DPH6: variants seen among roughly 807,000 people sequenced by gnomAD.
The protein encoded by DPH6 is diphthamine biosynthesis 6, also known as diphthine--ammonia ligase.
A neutral mutation model predicts 38.2 loss-of-function variants in DPH6; 33 were observed. The ratio of observed to expected loss-of-function variants is 0.86; its 90% confidence interval spans 0.65 to 1.15. The LOEUF is 1.15. Ranked by LOEUF, DPH6 falls within the 50% of genes most tolerant of loss-of-function variation. The pLI is 0.00. For synonymous variants in DPH6, 108 were observed against 103.0 expected (o/e 1.05, Z -0.30); for missense variants, 325 against 320.0 (o/e 1.02, Z -0.12).
intron 3 of DPH6, among the ~76,000 whole-genome samples, chr15:35,464,469 A>T (rs1470409915): frequency 1.3e-5 from 2 of 152,200 alleles, no homozygotes; most frequent in Admixed American, 1.3e-4. Flanking sequence ...ATGATAAGAA[A>T]ATAGATTCAT....
chr15:35,388,756 CA>C lies in DPH6; in HGVS notation c.568-6841del, dbSNP rs2053008553. On this transcript the variant is annotated intron_variant, in intron 6 of 8. Transcript: ENST00000256538. The stretch of plus-strand genomic sequence containing the variant: ...TTTTCTTCTTTATTCATCTTGCTAG[CA>C]GTCTATCAATTTTGTTGATCTTTTC... Among the ~76,000 whole-genome samples, 3 of 152,190 alleles carry C rather than the reference CA, an allele frequency of 2.0e-5. No individual in the cohort carries two copies. The South Asian group carries it at 6.2e-4, about 32-fold the overall frequency.
chr15:35,481,115 T>C (rs1248329295), intron 3 of DPH6, among the ~76,000 whole-genome samples: 1 of 152,178 alleles, frequency 6.6e-6, no homozygotes, highest in African/African-American at 2.4e-5. Flanking sequence ...TACTGAACAT[T>C]TGAAATGTGG....
At chr15:35,146,099 GTGTGTGTGTGTGTA>G in the DPH6 span, among the ~76,000 whole-genome samples, 1 of 151,380 alleles carries the variant, frequency 6.6e-6, no homozygotes, top group South Asian at 2.1e-4. Flanking sequence ...GTGTGTGTGT[GTGTGTGTGTGTGTA>G]TACATACATG....
chr15:35,278,785 C>T (rs1182237694), intron 3 of DPH6, among the ~76,000 whole-genome samples: 2 of 152,228 alleles, frequency 1.3e-5, no homozygotes, highest in East Asian at 3.9e-4. Flanking sequence ...AGCAGTGGCT[C>T]AAGCCCATAA....
intron 3 of DPH6, among the ~76,000 whole-genome samples, chr15:35,353,221 C>T (rs953857913): frequency 2.0e-5 from 3 of 152,114 alleles, no homozygotes; most frequent in African/African-American, 7.2e-5. Context: ...TTCTCCCATT[C>T]TGTAGGCTGC....
chr15:35,411,658 GC>G (rs2053368790), intron 5 of DPH6, among the ~76,000 whole-genome samples: 1 of 151,536 alleles, frequency 6.6e-6, no homozygotes, highest in South Asian at 2.1e-4. Flanking sequence ...TCACAAGTGG[GC>G]TATGAAATAA....
intron 6 of DPH6, among the ~76,000 whole-genome samples, chr15:35,387,501 A>G (rs1385087884): frequency 6.6e-6 from 1 of 152,052 alleles, no homozygotes; most frequent in Non-Finnish European, 1.5e-5. Context: ...ATTTGTTTGT[A>G]TCCTCTTTTA....
intron 3 of DPH6, among the ~76,000 whole-genome samples, chr15:35,241,841 T>C (rs2051601641): frequency 7.0e-6 from 1 of 143,364 alleles, no homozygotes; most frequent in Non-Finnish European, 1.5e-5. Flanking sequence ...TTAAAGCCTA[T>C]AAATTCTCCT....
intron 3 of DPH6, among the ~76,000 whole-genome samples, chr15:35,285,872 G>GTTTTTTTTTTGTTTTTTTTT (rs2051938669): frequency 1.9e-5 from 1 of 52,794 alleles, no homozygotes; most frequent in Non-Finnish European, 3.3e-5. Context: ...TTATCTTTGA[G>GTTTTTTTTTTGTTTTTTTTT]TTTTTTTTTT....
At chr15:35,161,113 A>G in the DPH6 span, among the ~76,000 whole-genome samples, 6 of 152,070 alleles carry the variant, frequency 3.9e-5, no homozygotes, top group Non-Finnish European at 7.4e-5. Flanking sequence ...CACGTTGTGC[A>G]CATGCAACCT....
chr15:35,517,165 G>T (rs11856690), intron 3 of DPH6, among the ~76,000 whole-genome samples: 2,766 of 151,714 alleles, frequency 0.018, 87 homozygotes, highest in African/African-American at 0.062. Flanking sequence ...ATTTAAAGAA[G>T]AATTTTTTTT....
At chr15:35,449,661 TG>T (rs371088989) in intron 5 of DPH6, among the ~76,000 whole-genome samples, 96,203 of 151,942 alleles carry the variant, frequency 0.63, 34,662 homozygotes, top group South Asian at 0.84. Flanking sequence ...TCATGAGAGC[TG>T]CTCAGCAACC....
chr15:35,301,628 A>G (rs1158795515), intron 3 of DPH6, among the ~76,000 whole-genome samples: 1 of 152,208 alleles, frequency 6.6e-6, no homozygotes, highest in Non-Finnish European at 1.5e-5. Flanking sequence ...TGCTATAGAC[A>G]TATCATCTAT....
intron 3 of DPH6, among the ~76,000 whole-genome samples, chr15:35,278,328 C>G (rs1346897810): frequency 1.2e-4 from 18 of 152,230 alleles, no homozygotes. Flanking sequence ...TCCTTGGCAG[C>G]TTTCATGTGG....
At chr15:35,156,343 C>A in the DPH6 span, among the ~76,000 whole-genome samples, 1 of 152,026 alleles carries the variant, frequency 6.6e-6, no homozygotes, top group Non-Finnish European at 1.5e-5. Flanking sequence ...TTCTAAACAT[C>A]TGGAATATTA....
the DPH6 span, among the ~76,000 whole-genome samples, chr15:35,150,666 G>A: frequency 7.9e-5 from 12 of 152,228 alleles, no homozygotes; most frequent in East Asian, 2.1e-3. Context: ...AACTTGTGGC[G>A]AAGAACACAT....
the DPH6 span, among the ~76,000 whole-genome samples, chr15:35,201,363 A>T: frequency 6.6e-6 from 1 of 151,882 alleles, no homozygotes; most frequent in African/African-American, 2.4e-5. Context: ...TAGGTGCAGT[A>T]GTACCATACC....
intron 1 of DPH6, among the ~76,000 whole-genome samples, chr15:35,544,869 C>T (rs886886441): frequency 3.3e-5 from 5 of 152,100 alleles, no homozygotes; most frequent in South Asian, 2.1e-4. Flanking sequence ...TTTTGGCAAG[C>T]GATGTAAATT....
At chr15:35,421,003 C>G (rs942050862) in intron 5 of DPH6, among the ~76,000 whole-genome samples, 1 of 152,032 alleles carries the variant, frequency 6.6e-6, no homozygotes, top group Non-Finnish European at 1.5e-5. Flanking sequence ...CAGTTAAATA[C>G]AGTTAAACTG....
Sources: gnomAD v4.1 joint callset for allele counts (sites outside exome capture counted in the v4.1 genomes callset) on GRCh38, gnomAD v4.1.1 for gene constraint, MANE v1.5 for transcripts, NCBI Gene and HGNC (gene_info 2026-07-23, HGNC 2026-07-21) for gene names.